The following PUM3 variants were observed in gnomAD, a reference collection of about 807,000 sequenced individuals.
PUM3 encodes the protein pumilio homolog 3.
PUM3 carries 91 observed loss-of-function variants against 84.0 expected under a neutral mutation model. That is an observed-to-expected ratio of 1.08 (90% CI 0.91 to 1.29). The LOEUF is 1.29. Ranked by LOEUF, PUM3 falls within the 50% of genes most tolerant of loss-of-function variation. The pLI is 0.00. For synonymous variants in PUM3, 321 were observed against 266.7 expected, an observed-to-expected ratio of 1.20 and a Z score of -1.98; for missense variants, 1,067 against 767.5, an observed-to-expected ratio of 1.39 and a Z score of -4.61.
intron 1 of PUM3, among the ~76,000 whole-genome samples, chr9:2,843,623 G>A (rs982343400): frequency 1.4e-5 from 2 of 142,662 alleles, no homozygotes; most frequent in Non-Finnish European, 1.5e-5. Context: ...CTGTCTCCCA[G>A]GCTGGAGTGT....
Position 2,824,728 on chromosome 9 carries a change from C to T in PUM3, c.1123G>A (p.Gly375Ser), listed in dbSNP as rs1231174165. 6.5e-7 allele frequency: 1 copy of T among 1,550,308 alleles called. No homozygotes were observed. The highest frequency in any genetic ancestry group is 8.8e-7 in the Non-Finnish European group (1 of 1,138,640). ...GCTGTCACACTTACCTTGGGCGTGC[C>T]ATGCCACAGGCAGTGCATGGCCACT... is the stretch of plus-strand genomic sequence containing the variant. ...ARVAMHCLWHGTPKDRKVIVK... is the reference protein window; with the variant it reads ...ARVAMHCLWHSTPKDRKVIVK... The change falls in exon 11 of 18, where the codon GGC becomes AGC. Residue 375 changes from glycine to serine, a missense_variant. Coordinates refer to ENST00000397885, the MANE Select transcript of PUM3 (RefSeq NM_014878.5).
At chr9:2,836,350 G>C (rs1036924728) in intron 3 of PUM3, among the ~76,000 whole-genome samples, 5 of 152,188 alleles carry the variant, frequency 3.3e-5, no homozygotes, top group African/African-American at 9.7e-5. Context: ...ATGTTGCAAA[G>C]AAAGTAATGA....
intron 10 of PUM3, among the ~76,000 whole-genome samples, chr9:2,825,156 TAAG>T (rs113850393): frequency 2.1e-3 from 312 of 152,188 alleles, no homozygotes; most frequent in African/African-American, 7.1e-3. Context: ...GTGGTGGTGA[TAAG>T]AAGGGAGCTT....
intron 1 of PUM3, among the ~76,000 whole-genome samples, chr9:2,841,826 C>G (rs770666668): frequency 6.6e-6 from 1 of 152,092 alleles, no homozygotes; most frequent in Non-Finnish European, 1.5e-5. Context: ...GCATTCCATC[C>G]CCAGAAATGC....
chr9:2,817,848 C>T (rs1218632530), intron 13 of PUM3, among the ~76,000 whole-genome samples: 2 of 152,124 alleles, frequency 1.3e-5, no homozygotes, highest in Non-Finnish European at 2.9e-5. Context: ...TAAAAATATG[C>T]ATCAATATTT....
chr9:2,834,196 C>T (rs142885025), intron 3 of PUM3, 30 bp from the exon 4 acceptor site: 3 of 1,588,094 alleles, frequency 1.9e-6, no homozygotes, highest in African/African-American at 2.7e-5. Flanking sequence ...TTTTCAATTA[C>T]ATTTAACATT....
At chr9:2,804,562 A>G in intron 17 of PUM3, 99 bp from the exon 18 acceptor site, 1 of 1,131,128 alleles carries the variant, frequency 8.8e-7, no homozygotes, top group Non-Finnish European at 1.2e-6. Context: ...CTGTGACACA[A>G]GCCTTGTAAC....
At position 2,838,482 on chromosome 9, in the gene PUM3, A is replaced by C; in HGVS notation, c.26T>G (p.Phe9Cys). Reference protein sequence around the residue: MEVKGKKQFTGKSTKTAQE... With the variant: MEVKGKKQCTGKSTKTAQE... ...TGCTGTCTTTGTACTCTTTCCTGTG[A>C]ATTGCTTTTTCCCTTTAACTTCCAT... Residue 9 changes from phenylalanine to cysteine, a missense_variant, in exon 2 of 18, where the codon TTC becomes TGC. Phe to Cys is a radical substitution (Grantham distance 205). Transcript: ENST00000397885. 1 of 1,613,646 alleles carries C rather than the reference A, an allele frequency of 6.2e-7. No individual in the cohort carries two copies. The highest frequency in any genetic ancestry group is 8.5e-7 in the Non-Finnish European group (1 of 1,179,652).
intron 13 of PUM3, among the ~76,000 whole-genome samples, chr9:2,818,849 C>G (rs1362489769): frequency 2.0e-5 from 3 of 152,202 alleles, no homozygotes; most frequent in African/African-American, 7.2e-5. Flanking sequence ...AGAAAACAAT[C>G]TTCCCCTCCA....
At chr9:2,807,696 G>GTC in intron 17 of PUM3, 118 bp downstream of exon 17, 1 of 602,740 alleles carries the variant, frequency 1.7e-6, no homozygotes, top group Non-Finnish European at 3.0e-6. Flanking sequence ...GACCATGAGT[G>GTC]ACTGGGAGTA....
intron 3 of PUM3, 56 bp downstream of exon 3, chr9:2,837,124 G>C (rs145770621): frequency 6.9e-7 from 1 of 1,449,946 alleles, no homozygotes; most frequent in African/African-American, 1.4e-5. Flanking sequence ...CACCTCCAGA[G>C]TCCCTGTGCA....
At chr9:2,818,503 TGTC>T (rs756824137) in intron 13 of PUM3, among the ~76,000 whole-genome samples, 2 of 152,246 alleles carry the variant, frequency 1.3e-5, no homozygotes, top group South Asian at 2.1e-4. Context: ...ACATTTTAGT[TGTC>T]GTGAAAATAT....
intron 10 of PUM3, among the ~76,000 whole-genome samples, chr9:2,825,479 T>C (rs1815791070): frequency 6.6e-6 from 1 of 152,110 alleles, no homozygotes; most frequent in Non-Finnish European, 1.5e-5. Flanking sequence ...TAATTTCTTA[T>C]TTACATTTTC....
At chr9:2,804,666 G>T (rs566281449) in intron 17 of PUM3, among the ~76,000 whole-genome samples, 1 of 152,260 alleles carries the variant, frequency 6.6e-6, no homozygotes, top group South Asian at 2.1e-4. Context: ...AATCTTGCTG[G>T]TGGAGTCACC....
chr9:2,806,470 AGATT>A (rs58250272), intron 17 of PUM3, among the ~76,000 whole-genome samples: 2,736 of 152,344 alleles, frequency 0.018, 98 homozygotes, highest in African/African-American at 0.062. Context: ...CAAACAACAT[AGATT>A]AAGTTGCATA....
At chr9:2,815,186 T>C (rs1478673084) in intron 13 of PUM3, among the ~76,000 whole-genome samples, 1 of 152,216 alleles carries the variant, frequency 6.6e-6, no homozygotes, top group Non-Finnish European at 1.5e-5. Context: ...ATAACAATTT[T>C]ACAAAAAACT....
At chr9:2,807,932 C>T (rs932708517) in intron 16 of PUM3, 28 bp from the exon 17 acceptor site, 2 of 1,400,790 alleles carry the variant, frequency 1.4e-6, no homozygotes, top group Non-Finnish European at 2.0e-6. Context: ...GCTTAGTGAA[C>T]ATCACATAAT....
At chr9:2,814,743 C>T (rs978971538) in intron 13 of PUM3, among the ~76,000 whole-genome samples, 7 of 152,114 alleles carry the variant, frequency 4.6e-5, no homozygotes, top group East Asian at 1.9e-4. Context: ...AACAAAATTT[C>T]GCTGCCCTTA....
Position 2,837,084 on chromosome 9 carries a change from C to T in PUM3, c.304+96G>A, listed in dbSNP as rs1816142818. The T allele has an allele frequency of 2.5e-5, 26 of 1,036,086 alleles. 2 individuals carry two copies. In the South Asian group the frequency reaches 3.6e-4, roughly 14 times the overall value. 64.2% of individuals were successfully genotyped at this position (1,036,086 alleles called of 1,614,324 possible). A position where few individuals can be genotyped will look rare whatever the true frequency, so the allele number is the denominator to read the frequency against. On this transcript the variant is annotated intron_variant, in intron 3 of 17. Transcript: ENST00000397885. ...CCTACCTGTCCCAAAATGTTACCTG[C>T]CAAGGAATAAGAATGTGAGGTTTCT...
Sources: gnomAD v4.1 joint callset for allele counts (sites outside exome capture counted in the v4.1 genomes callset) on GRCh38, gnomAD v4.1.1 for gene constraint, MANE v1.5 for transcripts, NCBI Gene and HGNC (gene_info 2026-07-23, HGNC 2026-07-21) for gene names.